RABGAP1L: variants seen among roughly 807,000 people sequenced by gnomAD.
RABGAP1L encodes the protein rab GTPase-activating protein 1-like.
Under a neutral mutation model 137.7 loss-of-function variants are expected in RABGAP1L, and 63 were observed. That is an observed-to-expected ratio of 0.46 (90% CI 0.37 to 0.56). RABGAP1L has a LOEUF of 0.56. RABGAP1L is among the 20% of genes least tolerant of loss of function. The pLI, the probability that RABGAP1L is intolerant of heterozygous loss-of-function variation, is 0.00. For synonymous variants in RABGAP1L, 431 were observed against 433.7 expected, an observed-to-expected ratio of 0.99 and a Z score of 0.08; for missense variants, 1,095 against 1,244.0, an observed-to-expected ratio of 0.88 and a Z score of 1.80.
intron 1 of RABGAP1L, among the ~76,000 whole-genome samples, chr1:174,173,963 CA>C (rs60327987): frequency 0.036 from 5,552 of 152,152 alleles, 359 homozygotes; most frequent in African/African-American, 0.13. Flanking sequence ...CTCTCTGAAA[CA>C]TTACAAAAGC....
At chr1:174,842,648 C>G (rs1693541748) in intron 19 of RABGAP1L, among the ~76,000 whole-genome samples, 1 of 152,114 alleles carries the variant, frequency 6.6e-6, no homozygotes, top group Admixed American at 6.6e-5. Context: ...ATATATTAGG[C>G]AGAGCTAAAC....
chr1:174,735,866 T>A (rs1682900672), intron 17 of RABGAP1L, among the ~76,000 whole-genome samples: 1 of 152,098 alleles, frequency 6.6e-6, no homozygotes, highest in African/African-American at 2.4e-5. Context: ...AGAGCCAGAA[T>A]TCACTCATCA....
At chr1:174,203,938 A>AT (rs59416325) in intron 1 of RABGAP1L, among the ~76,000 whole-genome samples, 28,945 of 136,390 alleles carry the variant, frequency 0.21, 3,258 homozygotes, top group Admixed American at 0.25. Context: ...TTGTACATTG[A>AT]TTTTTTTTTT....
At chr1:174,725,245 A>T (rs1211694395) in intron 17 of RABGAP1L, among the ~76,000 whole-genome samples, 1 of 152,224 alleles carries the variant, frequency 6.6e-6, no homozygotes, top group South Asian at 2.1e-4. Flanking sequence ...TGTATCAGCA[A>T]TGAACTTGCA....
intron 14 of RABGAP1L, among the ~76,000 whole-genome samples, chr1:174,670,999 G>A (rs546718600): frequency 2.6e-5 from 4 of 152,104 alleles, no homozygotes; most frequent in South Asian, 2.1e-4. Flanking sequence ...ACTAATTTAC[G>A]TTCCCACCAA....
intron 13 of RABGAP1L, among the ~76,000 whole-genome samples, chr1:174,586,660 C>T (rs545746752): frequency 2.1e-4 from 32 of 152,170 alleles, no homozygotes; most frequent in Admixed American, 1.2e-3. Flanking sequence ...TGCAATGGCA[C>T]GATCTTGGCT....
chr1:174,905,311 G>C (rs904162216), intron 19 of RABGAP1L, among the ~76,000 whole-genome samples: 5 of 152,194 alleles, frequency 3.3e-5, no homozygotes, highest in African/African-American at 1.2e-4. Flanking sequence ...TGATTTGTAA[G>C]ATCTGTGACC....
chr1:174,458,752 G>A (rs939498079), intron 13 of RABGAP1L, among the ~76,000 whole-genome samples: 1 of 151,898 alleles, frequency 6.6e-6, no homozygotes, highest in African/African-American at 2.4e-5. Context: ...CTTTAAGCAT[G>A]GAGTCAGTAA....
chr1:174,879,477 C>A (rs1653793665), intron 19 of RABGAP1L, among the ~76,000 whole-genome samples: 2 of 152,082 alleles, frequency 1.3e-5, no homozygotes, highest in Admixed American at 1.3e-4. Flanking sequence ...TCATGATCCA[C>A]CCACCTTGGC....
At chr1:174,602,528 G>A (rs1241051565) in intron 13 of RABGAP1L, among the ~76,000 whole-genome samples, 2 of 152,188 alleles carry the variant, frequency 1.3e-5, no homozygotes, top group Non-Finnish European at 2.9e-5. Flanking sequence ...AATTCAAGTT[G>A]AGATTTGAAT....
At chr1:174,436,936 G>A (rs185527571) in intron 13 of RABGAP1L, among the ~76,000 whole-genome samples, 556 of 152,350 alleles carry the variant, frequency 3.6e-3, no homozygotes, top group African/African-American at 0.013. Flanking sequence ...TGCAGCCACC[G>A]CTGCTGATAC....
At chr1:174,164,101 C>G (rs1013620677) in intron 1 of RABGAP1L, among the ~76,000 whole-genome samples, 16 of 150,196 alleles carry the variant, frequency 1.1e-4, no homozygotes, top group Non-Finnish European at 3.0e-5. Context: ...CCTCTTACCC[C>G]CTACCTGCCC....
intron 5 of RABGAP1L, among the ~76,000 whole-genome samples, chr1:174,247,141 A>G (rs530667368): frequency 6.6e-6 from 1 of 152,200 alleles, no homozygotes; most frequent in Non-Finnish European, 1.5e-5. Flanking sequence ...AAGTTCTTTG[A>G]CTTTTTTTGA....
At chr1:174,641,384 C>T (rs1674523199) in intron 14 of RABGAP1L, among the ~76,000 whole-genome samples, 1 of 151,998 alleles carries the variant, frequency 6.6e-6, no homozygotes, top group Admixed American at 6.6e-5. Context: ...AAAGCTTCTT[C>T]TGTTGTCATT....
intron 19 of RABGAP1L, among the ~76,000 whole-genome samples, chr1:174,924,045 A>C (rs1356111930): frequency 6.6e-6 from 1 of 152,088 alleles, no homozygotes; most frequent in African/African-American, 2.4e-5. Flanking sequence ...CAGGGCTTGT[A>C]AGCATTCACT....
chr1:174,847,084 A>T (rs1289656767), intron 19 of RABGAP1L, among the ~76,000 whole-genome samples: 10 of 138,352 alleles, frequency 7.2e-5, no homozygotes, highest in Admixed American at 3.8e-4. Context: ...TGCTTGGTAG[A>T]TCTTCCTCCA....
At chr1:174,352,959 T>C (rs1174572349) in intron 11 of RABGAP1L, among the ~76,000 whole-genome samples, 1 of 152,192 alleles carries the variant, frequency 6.6e-6, no homozygotes, top group Non-Finnish European at 1.5e-5. Flanking sequence ...CTGAGCTACC[T>C]GGTGTTTGGG....
chr1:174,647,690 A>G (rs184653224), intron 14 of RABGAP1L, among the ~76,000 whole-genome samples: 5 of 151,984 alleles, frequency 3.3e-5, no homozygotes, highest in Non-Finnish European at 7.4e-5. Flanking sequence ...TGTCTCTGCC[A>G]GGTTTTGGGA....
At position 174,292,763 on chromosome 1, in the gene RABGAP1L, G is replaced by A. The variant is rs192956458; in HGVS notation, c.1324-12223G>A. Among the ~76,000 whole-genome samples the A allele has an allele frequency of 1.6e-3, 247 of 152,196 alleles. 1 individual carries two copies. Among genetic ancestry groups the A allele is most frequent in the Non-Finnish European group, 2.6e-3 (177 of 67,982 alleles). On this transcript the variant is annotated intron_variant, in intron 10 of 25. Transcript: ENST00000681986. ...ATCCTATAAATGTCCATTATGTCAA[G>A]TTCTATAATAAGATTTTCCTGTGAT...
Sources: allele counts gnomAD v4.1 joint callset (sites outside exome capture counted in the v4.1 genomes callset), GRCh38; gene constraint gnomAD v4.1.1; transcripts MANE v1.5; gene names NCBI Gene and HGNC (gene_info 2026-07-23, HGNC 2026-07-21).